The following CNTN6 variants were observed in gnomAD, a reference collection of about 807,000 sequenced individuals.
CNTN6 encodes contactin 6, also known as contactin-6.
A neutral mutation model predicts 122.8 loss-of-function variants in CNTN6; 137 were observed. That is an observed-to-expected ratio of 1.12 (90% CI 0.97 to 1.29). The LOEUF is 1.29. Among genes scored for constraint, CNTN6 ranks in the 50% most tolerant of loss-of-function variants. The pLI, the probability that CNTN6 is intolerant of heterozygous loss-of-function variation, is 0.00. For missense variants in CNTN6, 1,634 were observed against 1,223.4 expected (o/e 1.34, Z -5.01); for synonymous variants, 570 against 426.0 (o/e 1.34, Z -4.16).
At chr3:1,210,379 A>AGAAGGGAAGT (rs1179960748) in intron 2 of CNTN6, among the ~76,000 whole-genome samples, 1 of 151,946 alleles carries the variant, frequency 6.6e-6, no homozygotes, top group South Asian at 2.1e-4. Context: ...GAAGGAAGAA[A>AGAAGGGAAGT]GAAGGGAAGT....
At chr3:1,222,463 T>A (rs568645285) in intron 3 of CNTN6, among the ~76,000 whole-genome samples, 16 of 152,262 alleles carry the variant, frequency 1.1e-4, no homozygotes, top group South Asian at 2.1e-4. Context: ...GACAGACACA[T>A]AAATACATAA....
intron 17 of CNTN6, among the ~76,000 whole-genome samples, chr3:1,380,639 G>A (rs182638308): frequency 2.6e-5 from 4 of 152,108 alleles, no homozygotes; most frequent in East Asian, 1.9e-4. Context: ...ATTCAGTCTC[G>A]TGGGCCACAT....
At chr3:1,327,737 A>G (rs1447659268) in intron 10 of CNTN6, 151 bp downstream of exon 10, 13 of 872,470 alleles carry the variant, frequency 1.5e-5, no homozygotes, top group Non-Finnish European at 1.7e-6. Context: ...ACAAAATTCA[A>G]GGTGGTAATT....
At chr3:1,303,641 A>AT (rs1697819408) in intron 7 of CNTN6, among the ~76,000 whole-genome samples, 1 of 151,936 alleles carries the variant, frequency 6.6e-6, no homozygotes, top group African/African-American at 2.4e-5. Flanking sequence ...CATCTCAGTT[A>AT]TTTGTGGGTC....
chr3:1,378,288 A>G (rs377648135), intron 17 of CNTN6, among the ~76,000 whole-genome samples: 2 of 152,122 alleles, frequency 1.3e-5, no homozygotes, highest in Admixed American at 6.6e-5. Context: ...AATTTCTCAG[A>G]CATTTGTCAG....
intron 4 of CNTN6, among the ~76,000 whole-genome samples, chr3:1,263,373 GTCTCTTATAACCTAA>G (rs1350643877): frequency 6.6e-6 from 1 of 152,066 alleles, no homozygotes; most frequent in African/African-American, 2.4e-5. Flanking sequence ...CTGGGCCCCA[GTCTCTTATAACCTAA>G]TTTTGGAAGT....
chr3:1,294,717 C>T (rs1000543014), intron 5 of CNTN6, among the ~76,000 whole-genome samples: 1 of 152,152 alleles, frequency 6.6e-6, no homozygotes. Context: ...ACTTGGATAG[C>T]TCTAGTTTAT....
At position 1,254,823 on chromosome 3, in the gene CNTN6, C is replaced by T. The variant is rs73109277; in HGVS notation, c.359-23590C>T. The stretch of plus-strand genomic sequence containing the variant: ...TGTTAGAGTTTTTTGTATCTAATGC[C>T]ACAGTAATGTGCTGAAACAAAGCAT... On this transcript the variant is annotated intron_variant, in intron 4 of 22. Coordinates refer to ENST00000446702, the MANE Select transcript of CNTN6 (RefSeq NM_001289080.2). Among the ~76,000 whole-genome samples, 704 of 151,982 alleles carry T rather than the reference C, an allele frequency of 4.6e-3. 4 individuals are homozygous for T. The highest frequency in any genetic ancestry group is 0.016 in the African/African-American group (672 of 41,436).
chr3:1,137,330 A>G lies in CNTN6; in HGVS notation c.-82-10597A>G, dbSNP rs115588249. Among the ~76,000 whole-genome samples, 123 of 152,346 alleles carry G rather than the reference A, an allele frequency of 8.1e-4. 1 individual carries two copies. In the Middle Eastern group the frequency reaches 0.014, roughly 17 times the overall value. ...TGTTGTACTTTTACCGCATGGAAATATGGACTAGTGATGCCAAATTTTCAG... is the reference window on the plus strand; with the variant it reads ...TGTTGTACTTTTACCGCATGGAAATGTGGACTAGTGATGCCAAATTTTCAG... On this transcript the variant is annotated intron_variant, in intron 1 of 22. Transcript: ENST00000446702.
chr3:1,368,354 T>A (rs1246376112), intron 12 of CNTN6, among the ~76,000 whole-genome samples: 1 of 152,198 alleles, frequency 6.6e-6, no homozygotes, highest in Non-Finnish European at 1.5e-5. Context: ...CAGATTTGTA[T>A]AAAGAGTTAA....
chr3:1,181,454 G>C (rs2093552822), intron 2 of CNTN6, among the ~76,000 whole-genome samples: 1 of 152,070 alleles, frequency 6.6e-6, no homozygotes, highest in African/African-American at 2.4e-5. Context: ...ATTTCATCCT[G>C]TTTTACATAA....
intron 7 of CNTN6, 94 bp from the exon 8 acceptor site, chr3:1,321,556 T>C: frequency 3.6e-6 from 4 of 1,110,312 alleles, no homozygotes; most frequent in Non-Finnish European, 5.2e-6. Context: ...GATAGAATAT[T>C]TTTCTTGAGA....
chr3:1,137,925 C>T (rs967055691), intron 1 of CNTN6, among the ~76,000 whole-genome samples: 4 of 152,180 alleles, frequency 2.6e-5, no homozygotes, highest in African/African-American at 9.6e-5. Context: ...TATTTGGTCC[C>T]AGTTTTGCTC....
chr3:1,275,747 G>A (rs140089977), intron 4 of CNTN6, among the ~76,000 whole-genome samples: 4 of 152,210 alleles, frequency 2.6e-5, no homozygotes, highest in African/African-American at 7.2e-5. Flanking sequence ...CCTCACATGC[G>A]CGGTTCACAA....
intron 1 of CNTN6, among the ~76,000 whole-genome samples, chr3:1,093,591 A>G (rs758068607): frequency 1.6e-4 from 25 of 152,100 alleles, no homozygotes; most frequent in Admixed American, 1.0e-3. Context: ...GATGATTTAA[A>G]AGAATGGTTA....
intron 4 of CNTN6, among the ~76,000 whole-genome samples, chr3:1,259,727 C>G (rs946024813): frequency 6.6e-6 from 1 of 152,018 alleles, no homozygotes; most frequent in African/African-American, 2.4e-5. Context: ...ATTCATGAAA[C>G]TAGAAAAACA....
intron 11 of CNTN6, among the ~76,000 whole-genome samples, chr3:1,347,941 G>T (rs1360112409): frequency 6.6e-6 from 1 of 151,694 alleles, no homozygotes; most frequent in Non-Finnish European, 1.5e-5. Flanking sequence ...TGTTCAAAAT[G>T]CAGTGTGATA....
intron 20 of CNTN6, among the ~76,000 whole-genome samples, chr3:1,390,700 A>G (rs867575789): frequency 0.031 from 4,720 of 152,086 alleles, 99 homozygotes; most frequent in South Asian, 0.054. Flanking sequence ...TCAAATAGAC[A>G]CAATAAAAAA....
Position 1,114,693 on chromosome 3 carries a change from G to A in CNTN6, c.-83+21573G>A, listed in dbSNP as rs73103500. Among the ~76,000 whole-genome samples the A allele has an allele frequency of 9.4e-4, 143 of 152,188 alleles. 2 individuals are homozygous for A. In the East Asian group the frequency reaches 0.021, roughly 23 times the overall value. On this transcript the variant is annotated intron_variant, in intron 1 of 22. Coordinates refer to ENST00000446702, the MANE Select transcript of CNTN6 (RefSeq NM_001289080.2). Reference sequence around the variant, plus strand: ...GATGATGGTCAAGGAAGAATACTTCGCAAAAGTGGTATTTTTAGTCTCAAG... The same window carrying A: ...GATGATGGTCAAGGAAGAATACTTCACAAAAGTGGTATTTTTAGTCTCAAG...
Sources: gnomAD v4.1 joint callset for allele counts (sites outside exome capture counted in the v4.1 genomes callset) on GRCh38, gnomAD v4.1.1 for gene constraint, MANE v1.5 for transcripts, NCBI Gene and HGNC (gene_info 2026-07-23, HGNC 2026-07-21) for gene names.